NCALD: variants seen among roughly 807,000 people sequenced by gnomAD.
NCALD encodes the protein neurocalcin-delta.
In NCALD, 10 loss-of-function variants were observed where a neutral mutation model predicts 18.6. The observed-to-expected ratio is 0.54, with a 90% CI of 0.33 to 0.91. The LOEUF (loss-of-function observed/expected upper bound fraction) is 0.91. Among genes scored for constraint, NCALD ranks in the 40% least tolerant of loss-of-function variants. NCALD has a pLI of 0.03. For synonymous variants in NCALD, 88 were observed against 87.4 expected (o/e 1.01, Z -0.04); for missense variants, 184 against 247.6 (o/e 0.74, Z 1.72).
intron 1 of NCALD, among the ~76,000 whole-genome samples, chr8:102,078,395 A>T (rs1824417850): frequency 1.3e-5 from 2 of 152,146 alleles, no homozygotes; most frequent in Non-Finnish European, 2.9e-5. Flanking sequence ...GTGATCTTTT[A>T]AAAATGTGAA....
rs1414666324 is a variant in NCALD at position 102,054,717 on chromosome 8, G to GATAA, written c.-209-34429_-209-34428insTTAT. 1.7e-4 allele frequency among the ~76,000 whole-genome samples: 17 copies of GATAA among 102,156 alleles called. No homozygotes were observed. The Admixed American group carries it at 1.7e-3, about 10-fold the overall frequency. The allele number at this position is 102,156 out of a possible 152,430, so 67.0% of individuals were successfully genotyped here. A position where few individuals can be genotyped will look rare whatever the true frequency, so the allele number is the denominator to read the frequency against. On this transcript the variant is annotated intron_variant, in intron 1 of 6. Coordinates refer to the NCALD transcript ENST00000311028. The stretch of plus-strand genomic sequence containing the variant: ...AGATAGATAGATAGATAGATAGATA[G>GATAA]ATATCCTATAGATAGATAGATAGAT...
At chr8:102,086,766 A>AC (rs1226363753) in intron 1 of NCALD, among the ~76,000 whole-genome samples, 1 of 152,218 alleles carries the variant, frequency 6.6e-6, no homozygotes, top group East Asian at 1.9e-4. Context: ...GCATTCCCAG[A>AC]CTGTTAAAGC....
At position 101,719,319 on chromosome 8, in the gene NCALD, G is replaced by C; in HGVS notation, c.311C>G (p.Ala104Gly). ...RGKLEQKLKW[A>G]FSMYDLDGNG... The stretch of plus-strand genomic sequence containing the variant: ...TCCGTCCAGGTCGTACATGCTGAAG[G>C]CCCATTTCAGCTTCTGCTCCAGCTT... The change falls in exon 2 of 4, where the codon GCC (alanine) becomes GGC (glycine). Residue 104 changes from alanine to glycine, a missense_variant. Ala to Gly is a moderately conservative substitution (Grantham distance 60, BLOSUM62 0). Coordinates refer to ENST00000220931, the MANE Select transcript of NCALD (RefSeq NM_032041.3). 6.2e-7 allele frequency: 1 copy of C among 1,614,090 alleles called. No homozygotes were observed. The highest frequency in any genetic ancestry group is 8.5e-7 in the Non-Finnish European group (1 of 1,179,990).
chr8:102,038,657 C>T (rs577149795), intron 1 of NCALD, among the ~76,000 whole-genome samples: 20 of 152,228 alleles, frequency 1.3e-4, no homozygotes, highest in Non-Finnish European at 2.4e-4. Flanking sequence ...TAACCCATTC[C>T]ACAATTTTCC....
intron 2 of NCALD, among the ~76,000 whole-genome samples, chr8:101,934,270 C>T (rs976662852): frequency 6.6e-6 from 1 of 152,060 alleles, no homozygotes; most frequent in Non-Finnish European, 1.5e-5. Flanking sequence ...GACAGTCCAA[C>T]CTAAGGACTG....
intron 2 of NCALD, among the ~76,000 whole-genome samples, chr8:101,922,434 C>T (rs1485754053): frequency 6.6e-6 from 1 of 152,156 alleles, no homozygotes; most frequent in Non-Finnish European, 1.5e-5. Flanking sequence ...TGAAACACAT[C>T]CTATCTTACC....
chr8:101,923,296 G>GA (rs1375087492), intron 2 of NCALD, among the ~76,000 whole-genome samples: 1 of 152,174 alleles, frequency 6.6e-6, no homozygotes, highest in African/African-American at 2.4e-5. Context: ...ATAGCAGCAT[G>GA]AAAAGACTAA....
At chr8:102,070,525 C>G (rs1824148663) in intron 1 of NCALD, among the ~76,000 whole-genome samples, 1 of 152,176 alleles carries the variant, frequency 6.6e-6, no homozygotes, top group Non-Finnish European at 1.5e-5. Flanking sequence ...ACAGCAATCC[C>G]TGTGGCCATG....
intron 1 of NCALD, among the ~76,000 whole-genome samples, chr8:102,028,495 C>A (rs1232891031): frequency 6.6e-6 from 1 of 152,218 alleles, no homozygotes; most frequent in Non-Finnish European, 1.5e-5. Flanking sequence ...TGCCTGCAGC[C>A]TTCATGTTGG....
chr8:102,068,943 C>G (rs945046547), intron 1 of NCALD, among the ~76,000 whole-genome samples: 3 of 152,156 alleles, frequency 2.0e-5, no homozygotes, highest in Admixed American at 2.0e-4. Context: ...AAGACATACA[C>G]TGCATCATCT....
At chr8:102,059,119 G>C (rs1823754543) in intron 1 of NCALD, among the ~76,000 whole-genome samples, 2 of 152,336 alleles carry the variant, frequency 1.3e-5, no homozygotes, top group Non-Finnish European at 1.5e-5. Flanking sequence ...GTTTGTGGTA[G>C]TTTATTATAG....
intron 4 of NCALD, among the ~76,000 whole-genome samples, chr8:101,851,516 T>C (rs1815090294): frequency 1.3e-5 from 2 of 152,268 alleles, no homozygotes; most frequent in Middle Eastern, 3.4e-3. Context: ...AAACTAAATA[T>C]AAATAAATAT....
At chr8:101,713,340 G>C (rs143415295) in intron 2 of NCALD, among the ~76,000 whole-genome samples, 3,897 of 151,944 alleles carry the variant, frequency 0.026, 131 homozygotes, top group African/African-American at 0.078. Flanking sequence ...ATCTAAAATT[G>C]ACACCCTAAC....
intron 2 of NCALD, among the ~76,000 whole-genome samples, chr8:101,997,055 A>G (rs2132008075): frequency 6.6e-6 from 1 of 152,358 alleles, no homozygotes; most frequent in South Asian, 2.1e-4. Flanking sequence ...CCAGCTACTC[A>G]GAGTCATGAC....
intron 2 of NCALD, among the ~76,000 whole-genome samples, chr8:102,008,690 A>G (rs1464155504): frequency 6.6e-6 from 1 of 152,038 alleles, no homozygotes; most frequent in Non-Finnish European, 1.5e-5. Flanking sequence ...TTCTCTACCC[A>G]ATTAACTACC....
intron 2 of NCALD, among the ~76,000 whole-genome samples, chr8:101,710,324 C>G (rs1362078281): frequency 6.6e-6 from 1 of 152,144 alleles, no homozygotes; most frequent in Non-Finnish European, 1.5e-5. Flanking sequence ...GTTTCAAGCA[C>G]AAAACTGGAG....
chr8:101,907,630 T>C (rs1010275330), intron 3 of NCALD, among the ~76,000 whole-genome samples: 1 of 152,064 alleles, frequency 6.6e-6, no homozygotes, highest in African/African-American at 2.4e-5. Context: ...ATCCCTCATT[T>C]CATTTAATTA....
chr8:101,993,536 C>T (rs1263223287), intron 2 of NCALD, among the ~76,000 whole-genome samples: 3 of 152,258 alleles, frequency 2.0e-5, no homozygotes, highest in East Asian at 3.9e-4. Context: ...GGGTGGGAAA[C>T]TATTTTACAC....
chr8:101,896,023 T>C (rs962732971), intron 3 of NCALD, among the ~76,000 whole-genome samples: 23 of 151,210 alleles, frequency 1.5e-4, no homozygotes, highest in African/African-American at 4.4e-4. Context: ...ACTTTAAAGT[T>C]CATATGGAAC....
Sources: allele counts gnomAD v4.1 joint callset (sites outside exome capture counted in the v4.1 genomes callset), GRCh38; gene constraint gnomAD v4.1.1; transcripts MANE v1.5; gene names NCBI Gene and HGNC (gene_info 2026-07-23, HGNC 2026-07-21).